NPAS2: variants seen among roughly 807,000 people sequenced by gnomAD.
NPAS2 encodes the protein neuronal PAS domain-containing protein 2.
Under a neutral mutation model 107.5 loss-of-function variants are expected in NPAS2, and 23 were observed. The observed-to-expected ratio is 0.21, with a 90% CI of 0.15 to 0.30. The LOEUF is 0.30. NPAS2 is among the 10% of genes least tolerant of loss of function. NPAS2 has a pLI of 1.00. For missense variants in NPAS2, 756 were observed against 1,043.3 expected (o/e 0.72, Z 3.79); for synonymous variants, 403 against 417.5 (o/e 0.97, Z 0.42).
In NPAS2 at chr2:100,965,506, C is replaced by T. The variant is rs1676162632; in HGVS notation, c.801-154C>T. On this transcript the variant is annotated intron_variant, in intron 9 of 20. Coordinates refer to ENST00000335681, the MANE Select transcript of NPAS2 (RefSeq NM_002518.4). The surrounding 1 kb of genome is among the most constrained non-coding windows in gnomAD (Gnocchi z 4.3). ...AAGCTGAGCCCTTTGGAAAACACAGCCTCTCTGATTTTGACCATTACAAAG... is the reference window on the plus strand; with the variant it reads ...AAGCTGAGCCCTTTGGAAAACACAGTCTCTCTGATTTTGACCATTACAAAG... 6.6e-6 allele frequency among the ~76,000 whole-genome samples: 1 copy of T among 152,146 alleles called. No individual in the cohort carries two copies. The highest frequency in any genetic ancestry group is 1.5e-5 in the Non-Finnish European group (1 of 68,026).
chr2:100,988,242 A>T lies in NPAS2; in HGVS notation c.1793A>T (p.His598Leu). 4 of 1,613,998 alleles carry T rather than the reference A, an allele frequency of 2.5e-6. No homozygotes were observed. The highest frequency in any genetic ancestry group is 3.3e-4 in the Middle Eastern group (2 of 6,062). ...TCCTCTGCCCAGGTCACAAGCCAGC[A>T]CCTGCTCAGAGAATCAAGTGTGATA... is the stretch of plus-strand genomic sequence containing the variant. ...QISSAQVTSQ[H>L]LLRESSVIST... The change falls in exon 17 of 21, where the codon CAC (histidine) becomes CTC (leucine). Residue 598 changes from histidine (H) to leucine (L), a missense_variant. Around this residue, in one of 4 missense-constraint regions of NPAS2, gnomAD observed 496 missense variants for 594.4 expected, o/e 0.83. Transcript: ENST00000335681.
At chr2:100,990,519 C>A in intron 18 of NPAS2, 73 bp downstream of exon 18, 1 of 1,496,288 alleles carries the variant, frequency 6.7e-7, no homozygotes, top group Non-Finnish European at 9.3e-7. Context: ...CTACTTTCTG[C>A]TTTAGACGGA....
intron 2 of NPAS2, among the ~76,000 whole-genome samples, chr2:100,921,929 A>G (rs1218764301): frequency 6.6e-6 from 1 of 152,194 alleles, no homozygotes; most frequent in African/African-American, 2.4e-5. Flanking sequence ...AATGAACCAG[A>G]TGTTGTGGCA....
chr2:100,902,554 G>C (rs753299984), intron 1 of NPAS2, among the ~76,000 whole-genome samples: 1 of 152,244 alleles, frequency 6.6e-6, no homozygotes, highest in Admixed American at 6.5e-5. Context: ...GAAGCCTGGA[G>C]TGAGTAGGGA....
At chr2:100,960,530 A>G (rs1025226748) in intron 7 of NPAS2, among the ~76,000 whole-genome samples, 2 of 151,908 alleles carry the variant, frequency 1.3e-5, no homozygotes, top group Non-Finnish European at 2.9e-5. Flanking sequence ...TCTGTTTTCC[A>G]TCACAGAGTG....
chr2:100,983,294 C>T (rs1238734987), intron 16 of NPAS2: 1 of 152,524 alleles, frequency 6.6e-6, no homozygotes, highest in Non-Finnish European at 1.5e-5. Context: ...TGCAGCCACA[C>T]CTACCATAGG....
rs3042765 is a variant in NPAS2 at position 100,898,785 on chromosome 2, TAAA to T, written c.-22-5935_-22-5933del. 8.6e-3 allele frequency among the ~76,000 whole-genome samples: 1,233 copies of T among 144,136 alleles called. 15 individuals carry two copies. The highest frequency in any genetic ancestry group is 0.027 in the African/African-American group (1,066 of 38,850). The allele number at this position is 144,136 out of a possible 152,430, so 94.6% of individuals were successfully genotyped here. Reference sequence around the variant, plus strand: ...ACTTTAAATTTAGATGTCTTTCACCTAAAAAAAAAAAAAAACAAACCTGAAAGT... The same window carrying T: ...ACTTTAAATTTAGATGTCTTTCACCTAAAAAAAAAAAACAAACCTGAAAGT... On this transcript the variant is annotated intron_variant, in intron 1 of 20. Transcript: ENST00000335681.
intron 7 of NPAS2, among the ~76,000 whole-genome samples, chr2:100,953,663 G>T (rs1675378945): frequency 2.0e-5 from 3 of 152,140 alleles, no homozygotes; most frequent in Non-Finnish European, 4.4e-5. Flanking sequence ...ACGTAGAAGG[G>T]TTGCATCTAT....
At chr2:100,847,314 A>G (rs986542941) in intron 1 of NPAS2, 1 of 152,192 alleles carries the variant, frequency 6.6e-6, no homozygotes, top group African/African-American at 2.4e-5. Flanking sequence ...CTGAACTGTC[A>G]CTTAAAATGG....
At chr2:100,819,975 G>C (rs1316669723), upstream of NPAS2, among the ~76,000 whole-genome samples, 1 of 150,070 alleles carries the variant, frequency 6.7e-6, no homozygotes, top group Non-Finnish European at 1.5e-5. This position sits in a 1 kb window ranked among gnomAD's most constrained non-coding sequence, Gnocchi z 5.8. Context: ...CGCGCGGGGT[G>C]CTTGTCCCAG....
chr2:100,938,536 TTCCCTCCTCCC>T (rs1379520889), intron 5 of NPAS2, among the ~76,000 whole-genome samples: 1 of 147,524 alleles, frequency 6.8e-6, no homozygotes, highest in Non-Finnish European at 1.5e-5. Flanking sequence ...TCCCTTCTTA[TTCCCTCCTCCC>T]TCCCTCCCTC....
At chr2:100,887,177 C>T (rs1291457276) in intron 1 of NPAS2, among the ~76,000 whole-genome samples, 2 of 152,214 alleles carry the variant, frequency 1.3e-5, no homozygotes, top group African/African-American at 2.4e-5. Flanking sequence ...GTGCTGGGCC[C>T]TCCTGAGACA....
chr2:100,825,404 A>T (rs1344815677), intron 1 of NPAS2, among the ~76,000 whole-genome samples: 1 of 152,348 alleles, frequency 6.6e-6, no homozygotes, highest in East Asian at 1.9e-4. Context: ...ATGCATTGAA[A>T]TATTTTTATA....
In NPAS2 at chr2:100,949,347, T is replaced by G. The variant is rs1675088433; in HGVS notation, c.485-20T>G. On this transcript the variant is annotated intron_variant, in intron 6 of 20. Coordinates refer to ENST00000335681, the MANE Select transcript of NPAS2 (RefSeq NM_002518.4). ...ATGCTCACGACCCCTTTCTCTCCTCTTCTTCCTTTAACGGCCCAGCTGACA... is the reference window on the plus strand; with the variant it reads ...ATGCTCACGACCCCTTTCTCTCCTCGTCTTCCTTTAACGGCCCAGCTGACA... 1.4e-6 allele frequency: 2 copies of G among 1,466,858 alleles called. No homozygotes were observed. The highest frequency in any genetic ancestry group is 1.9e-6 in the Non-Finnish European group (2 of 1,045,790). 90.9% of individuals were successfully genotyped at this position (1,466,858 alleles called of 1,614,324 possible).
At chr2:100,875,133 A>T (rs1679873049) in intron 1 of NPAS2, among the ~76,000 whole-genome samples, 1 of 152,206 alleles carries the variant, frequency 6.6e-6, no homozygotes, top group Non-Finnish European at 1.5e-5. Flanking sequence ...CGCATGCTAC[A>T]ACATGGATGA....
At chr2:100,970,890 T>A in intron 11 of NPAS2, 100 bp from the exon 12 acceptor site, 1 of 972,904 alleles carries the variant, frequency 1.0e-6, no homozygotes, top group Non-Finnish European at 1.6e-6. Flanking sequence ...GGGGCAGGGG[T>A]TACGTAGAGA....
intron 1 of NPAS2, among the ~76,000 whole-genome samples, chr2:100,874,904 A>C (rs573929176): frequency 4.3e-4 from 66 of 152,060 alleles, no homozygotes; most frequent in Non-Finnish European, 9.0e-4. Flanking sequence ...GCCCCACACC[A>C]AGGACCCAAG....
chr2:100,962,084 A>G (rs977749420), intron 7 of NPAS2, among the ~76,000 whole-genome samples: 2 of 152,136 alleles, frequency 1.3e-5, no homozygotes, highest in African/African-American at 4.8e-5. Flanking sequence ...TCCCTTTGAT[A>G]AGTTTCTTGG....
intron 1 of NPAS2, among the ~76,000 whole-genome samples, chr2:100,898,819 G>A (rs1681591285): frequency 6.6e-6 from 1 of 150,566 alleles, no homozygotes; most frequent in Non-Finnish European, 1.5e-5. Context: ...AAAGTTGAAG[G>A]AAAACACATT....
Sources: gnomAD v4.1 joint callset for allele counts (sites outside exome capture counted in the v4.1 genomes callset) on GRCh38, gnomAD v4.1.1 for gene constraint, gnomAD v4.1.1 regional missense constraint, Gnocchi (gnomAD v3.1) non-coding constraint, MANE v1.5 for transcripts, NCBI Gene and HGNC (gene_info 2026-07-23, HGNC 2026-07-21) for gene names.